IKZF4: variants seen among roughly 807,000 people sequenced by gnomAD.
IKZF4 encodes the protein zinc finger protein Eos.
IKZF4 carries 11 observed loss-of-function variants against 47.7 expected under a neutral mutation model. The observed-to-expected ratio is 0.23, with a 90% CI of 0.15 to 0.38. The LOEUF is 0.38. Ranked by LOEUF, IKZF4 falls within the 10% of genes least tolerant of loss-of-function variation. The pLI, the probability that IKZF4 is intolerant of heterozygous loss-of-function variation, is 1.00. For missense variants in IKZF4, 557 were observed against 784.9 expected (o/e 0.71, Z 3.47); for synonymous variants, 298 against 299.4 (o/e 1.00, Z 0.05).
At chr12:56,028,379 A>C (rs926140299) in intron 5 of IKZF4, among the ~76,000 whole-genome samples, 4 of 151,442 alleles carry the variant, frequency 2.6e-5, no homozygotes, top group Non-Finnish European at 1.5e-5. Flanking sequence ...CAAAAAAAAA[A>C]AAAATTAGCC....
At chr12:56,024,881 G>T (rs550900994) in intron 2 of IKZF4, 173 bp from the exon 3 acceptor site, 3 of 1,491,254 alleles carry the variant, frequency 2.0e-6, no homozygotes, top group East Asian at 5.1e-5. Context: ...GCAGCACCAG[G>T]CATCCAGACT....
At chr12:56,019,864 C>T (rs1892617427), upstream of IKZF4, among the ~76,000 whole-genome samples, 1 of 152,250 alleles carries the variant, frequency 6.6e-6, no homozygotes, top group South Asian at 2.1e-4. Flanking sequence ...TAAGAAGTGG[C>T]CTCTGCACAG....
intron 5 of IKZF4, among the ~76,000 whole-genome samples, chr12:56,030,023 T>C (rs1305480839): frequency 1.3e-5 from 2 of 152,174 alleles, no homozygotes; most frequent in South Asian, 2.1e-4. Flanking sequence ...TCAGGTCCCA[T>C]CTCTGTGAAG....
intron 3 of IKZF4, 85 bp from the exon 4 acceptor site, chr12:56,026,689 CAAAAAAA>C: frequency 1.1e-5 from 10 of 932,216 alleles, no homozygotes; most frequent in East Asian, 3.5e-5. Flanking sequence ...AATTCCATCT[CAAAAAAA>C]AAAAAAAAAA....
rs773682982 is a variant in IKZF4, at chr12:56,023,715, T to A, written c.132T>A (p.Pro44=). The A allele has an allele frequency of 1.2e-6, 2 of 1,613,996 alleles. No individual in the cohort carries two copies. Among genetic ancestry groups the A allele is most frequent in the African/African-American group, 2.7e-5 (2 of 75,066 alleles). ...GAGGGTGTGTTCCGGATTTCTTGCC[T>A]CAGGCCCAAGACTCCAACCATTTTA... The part of the protein sequence containing the change: ...PSGGCVPDFL[P]QAQDSNHFIM... Residue 44 remains proline, a synonymous_variant, in exon 2 of 8, where the codon CCT becomes CCA. Coordinates refer to ENST00000547167, the MANE Select transcript of IKZF4 (RefSeq NM_022465.4).
At chr12:56,018,396 A>G (rs905761122), upstream of IKZF4, among the ~76,000 whole-genome samples, 1 of 152,220 alleles carries the variant, frequency 6.6e-6, no homozygotes, top group African/African-American at 2.4e-5. Flanking sequence ...GTATAGAGGA[A>G]GGGAATAGGA....
Position 56,030,686 on chromosome 12 carries a change from G to A in IKZF4, c.716-1875G>A, listed in dbSNP as rs1031893434. ...AGAGGTTGCAGTAAGCCAAGATCGC[G>A]CCATTGCACTCCAGCCTGGGCAACA... On this transcript the variant is annotated intron_variant, in intron 5 of 7. Coordinates refer to ENST00000547167, the MANE Select transcript of IKZF4 (RefSeq NM_022465.4). Among the ~76,000 whole-genome samples the A allele has an allele frequency of 5.3e-5, 8 of 151,350 alleles. No homozygotes were observed. In the East Asian group the frequency reaches 7.7e-4, roughly 15 times the overall value.
At chr12:56,016,682 C>T (rs916511042), upstream of IKZF4, among the ~76,000 whole-genome samples, 4 of 152,038 alleles carry the variant, frequency 2.6e-5, no homozygotes, top group African/African-American at 7.2e-5. Context: ...CCGCAACCTC[C>T]GCCTCCTGGG....
In IKZF4 at chr12:56,034,480, C is replaced by T; in HGVS notation, c.998-91C>T. ...GCCACGTAGTAAATAATGTTACACC[C>T]AGCCCCACAGGTAAAAAAACAAAGA... is the stretch of plus-strand genomic sequence containing the variant. On this transcript the variant is annotated intron_variant, in intron 7 of 7. Transcript: ENST00000547167. 3 of 1,337,056 alleles carry T rather than the reference C, an allele frequency of 2.2e-6. No individual in the cohort carries two copies. In the South Asian group the frequency reaches 4.3e-5, roughly 19 times the overall value. The allele number at this position is 1,337,056 out of a possible 1,614,324, so 82.8% of individuals were successfully genotyped here. A position where few individuals can be genotyped will look rare whatever the true frequency, so the allele number is the denominator to read the frequency against.
intron 2 of IKZF4, among the ~76,000 whole-genome samples, chr12:56,013,856 A>G (rs1470396615): frequency 6.6e-6 from 1 of 152,196 alleles, no homozygotes; most frequent in Non-Finnish European, 1.5e-5. Flanking sequence ...CTTGGTATTA[A>G]AACCAGCTGG....
intron 1 of IKZF4, among the ~76,000 whole-genome samples, chr12:56,008,919 C>T (rs1291149386): frequency 2.0e-5 from 3 of 152,080 alleles, no homozygotes; most frequent in African/African-American, 4.8e-5. Flanking sequence ...TCAGGTGATC[C>T]ACCCGCCTCA....
rs191911655 is a variant in IKZF4 at position 56,026,048 on chromosome 12, G to C, written c.287-733G>C. On this transcript the variant is annotated intron_variant, in intron 3 of 7. Coordinates refer to ENST00000547167, the MANE Select transcript of IKZF4 (RefSeq NM_022465.4). ...CCTCCCAAGTTCAAGCGATTCTCCTGCCTCAGCCTCCGAAGTAGCTGGGAT... is the reference window on the plus strand; with the variant it reads ...CCTCCCAAGTTCAAGCGATTCTCCTCCCTCAGCCTCCGAAGTAGCTGGGAT... Among the ~76,000 whole-genome samples, 534 of 152,222 alleles carry C rather than the reference G, an allele frequency of 3.5e-3. 1 individual carries two copies. The highest frequency in any genetic ancestry group is 4.9e-3 in the Non-Finnish European group (330 of 68,018).
intron 1 of IKZF4, chr12:56,011,355 T>C (rs1891306457): frequency 6.6e-6 from 1 of 152,220 alleles, no homozygotes; most frequent in Non-Finnish European, 1.5e-5. Flanking sequence ...AAATGAGACA[T>C]GGGAGGGATA....
In IKZF4 at chr12:56,021,517, T is replaced by A; in HGVS notation, c.24T>A (p.Pro8=). ...ACATGCATACACCACCCGCACTCCC[T>A]CGCCGTTTCCAAGGCGGCGGCCGCG... MHTPPAL[P]RRFQGGGRVR... The change falls in exon 1 of 8, where the codon CCT becomes CCA. Residue 8 remains proline, a synonymous_variant. Transcript: ENST00000547167. 6.2e-7 allele frequency: 1 copy of A among 1,607,058 alleles called. No individual in the cohort carries two copies.
intron 2 of IKZF4, among the ~76,000 whole-genome samples, chr12:56,015,956 C>G (rs185364887): frequency 6.6e-6 from 1 of 152,184 alleles, no homozygotes; most frequent in East Asian, 1.9e-4. Context: ...TCAGTCCATC[C>G]CAGGAAGGAT....
At chr12:56,032,272 C>T (rs533451604) in intron 5 of IKZF4, 1 of 360,612 alleles carries the variant, frequency 2.8e-6, no homozygotes, top group South Asian at 2.9e-5. Flanking sequence ...TGGGTCCTCA[C>T]TTCCTTTAAG....
chr12:56,013,942 G>A (rs890053252), intron 2 of IKZF4, among the ~76,000 whole-genome samples: 6 of 152,196 alleles, frequency 3.9e-5, no homozygotes, highest in Non-Finnish European at 7.3e-5. Flanking sequence ...CCTGAGGTCA[G>A]GAGTTCGAGA....
chr12:56,025,713 T>G (rs1893857813), intron 3 of IKZF4, among the ~76,000 whole-genome samples: 1 of 152,118 alleles, frequency 6.6e-6, no homozygotes, highest in Non-Finnish European at 1.5e-5. Flanking sequence ...GGATTCAATC[T>G]AATGAGGTGG....
At position 56,021,479 on chromosome 12, in the gene IKZF4, C is replaced by T. The variant is rs367725937; in HGVS notation, c.-15C>T. 5.0e-6 allele frequency: 8 copies of T among 1,591,956 alleles called. No homozygotes were observed. The highest frequency in any genetic ancestry group is 6.8e-6 in the Non-Finnish European group (8 of 1,170,652). ...AGTGGCTGGGCTCACCCCTGCCTGC[C>T]ACTGAGACGCAGACATGCATACACC... is the stretch of plus-strand genomic sequence containing the variant. On this transcript the variant is annotated 5_prime_UTR_variant, in exon 1 of 8. Transcript: ENST00000547167.
Sources: allele counts gnomAD v4.1 joint callset (sites outside exome capture counted in the v4.1 genomes callset), GRCh38; gene constraint gnomAD v4.1.1; transcripts MANE v1.5; gene names NCBI Gene and HGNC (gene_info 2026-07-23, HGNC 2026-07-21).